The following ANKRD30BL variants were observed in gnomAD, a reference collection of about 807,000 sequenced individuals.
The protein encoded by ANKRD30BL is ankyrin repeat domain 30B like.
A neutral mutation model predicts 18.4 loss-of-function variants in ANKRD30BL; 20 were observed. The observed-to-expected ratio is 1.09, with a 90% CI of 0.77 to 1.58. The LOEUF is 1.58. Among genes scored for constraint, ANKRD30BL ranks in the 40% most tolerant of loss-of-function variants. The pLI is 0.00. For missense variants in ANKRD30BL, 224 were observed against 268.6 expected (o/e 0.83, Z 1.16); for synonymous variants, 72 against 100.9 (o/e 0.71, Z 1.72).
chr2:132,207,906 C>A (rs1420317094), intron 1 of ANKRD30BL, among the ~76,000 whole-genome samples: 1 of 152,136 alleles, frequency 6.6e-6, no homozygotes, highest in Non-Finnish European at 1.5e-5. Flanking sequence ...CTATAATGCT[C>A]AGATCACAAC....
chr2:132,151,660 T>A (rs1199922674), intron 4 of ANKRD30BL, among the ~76,000 whole-genome samples: 1 of 152,030 alleles, frequency 6.6e-6, no homozygotes, highest in Non-Finnish European at 1.5e-5. Context: ...GTTATAATAT[T>A]CAAATATTGC....
At chr2:132,202,055 C>A (rs1679109619) in intron 1 of ANKRD30BL, among the ~76,000 whole-genome samples, 4 of 152,066 alleles carry the variant, frequency 2.6e-5, no homozygotes, top group Middle Eastern at 3.2e-3. Flanking sequence ...AAAAACCAAA[C>A]ACCGCATATT....
At chr2:132,242,338 C>A (rs796746378) in intron 1 of ANKRD30BL, among the ~76,000 whole-genome samples, 2 of 151,336 alleles carry the variant, frequency 1.3e-5, no homozygotes, top group African/African-American at 2.4e-5. Flanking sequence ...ATTTGGATAG[C>A]TTTGAGGATA....
chr2:132,182,928 T>A (rs1688497242), intron 1 of ANKRD30BL, among the ~76,000 whole-genome samples: 1 of 152,082 alleles, frequency 6.6e-6, no homozygotes, highest in Admixed American at 6.6e-5. Context: ...ATAAACAACT[T>A]TTCTGTTTTA....
chr2:132,204,299 A>C (rs1367899957), intron 1 of ANKRD30BL, among the ~76,000 whole-genome samples: 1 of 151,660 alleles, frequency 6.6e-6, no homozygotes, highest in East Asian at 1.9e-4. Flanking sequence ...ATTGAGGAGA[A>C]TGTCTCTCAA....
chr2:132,205,884 G>C (rs1365213382), intron 1 of ANKRD30BL, among the ~76,000 whole-genome samples: 1 of 152,086 alleles, frequency 6.6e-6, no homozygotes, highest in Non-Finnish European at 1.5e-5. Flanking sequence ...AAAGAGGCTG[G>C]GCACAGTGGC....
rs61427674 is a variant in ANKRD30BL, at chr2:132,179,291, C to CT, written n.442-22146dup. On this transcript the variant is annotated intron_variant and non_coding_transcript_variant, in intron 1 of 4. Transcript: ENST00000470729. ...ATATTTACTACTCTATTCTTTTTATCTTTTTTTTTTTTTTGAGATGGAGTC... is the reference window on the plus strand; with the variant it reads ...ATATTTACTACTCTATTCTTTTTATCTTTTTTTTTTTTTTTGAGATGGAGTC... Among the ~76,000 whole-genome samples the CT allele has an allele frequency of 8.4e-3, 1,165 of 138,828 alleles. 4 individuals carry two copies. Among genetic ancestry groups the CT allele is most frequent in the Non-Finnish European group, 0.013 (827 of 64,684 alleles). The allele number at this position is 138,828 out of a possible 152,430, so 91.1% of individuals were successfully genotyped here.
chr2:132,248,357 G>A (rs113964074), intron 1 of ANKRD30BL, among the ~76,000 whole-genome samples: 9 of 150,876 alleles, frequency 6.0e-5, no homozygotes, highest in Non-Finnish European at 8.9e-5. Context: ...CTGCTCAATC[G>A]AAAGAAAGAT....
chr2:132,185,836 T>G (rs980408176), intron 1 of ANKRD30BL, among the ~76,000 whole-genome samples: 2 of 152,140 alleles, frequency 1.3e-5, no homozygotes, highest in African/African-American at 4.8e-5. Flanking sequence ...AACTAAATTA[T>G]CCTTTCAAAA....
chr2:132,167,015 T>C (rs1477965786), intron 1 of ANKRD30BL, among the ~76,000 whole-genome samples: 6 of 151,376 alleles, frequency 4.0e-5, no homozygotes, highest in Non-Finnish European at 8.9e-5. Context: ...ATATTTTAAT[T>C]ACTGTTTAGT....
At chr2:132,235,710 C>T (rs768062729) in intron 1 of ANKRD30BL, among the ~76,000 whole-genome samples, 5 of 152,112 alleles carry the variant, frequency 3.3e-5, no homozygotes, top group Admixed American at 6.6e-5. Context: ...AATGGAAGAA[C>T]ATTCCATGCT....
rs555081299 is a variant in ANKRD30BL at position 132,222,105 on chromosome 2, C to T, written n.441+35424G>A. Among the ~76,000 whole-genome samples the T allele has an allele frequency of 2.1e-3, 304 of 146,458 alleles. 10 individuals are homozygous for T. Among genetic ancestry groups the T allele is most frequent in the African/African-American group, 7.3e-3 (280 of 38,362 alleles). ...GAGGTCGGGGGGTCAGCCCCCCACC[C>T]GGCCAGCCGCCCTATCTGGGAGGTG... On this transcript the variant is annotated intron_variant and non_coding_transcript_variant, in intron 1 of 4. Coordinates refer to the ANKRD30BL transcript ENST00000470729.
At chr2:132,180,220 CTTT>C (rs34690292) in intron 1 of ANKRD30BL, among the ~76,000 whole-genome samples, 33 of 136,792 alleles carry the variant, frequency 2.4e-4, no homozygotes, top group Admixed American at 3.6e-4. Context: ...CAAGTGTACC[CTTT>C]TTTTTTTTTT....
At chr2:132,232,572 A>G (rs569159561) in intron 1 of ANKRD30BL, among the ~76,000 whole-genome samples, 1 of 152,292 alleles carries the variant, frequency 6.6e-6, no homozygotes, top group South Asian at 2.1e-4. Flanking sequence ...ATCAACTGGA[A>G]AAAAGGGTAT....
At chr2:132,205,461 C>T (rs1400379357) in intron 1 of ANKRD30BL, among the ~76,000 whole-genome samples, 2 of 151,406 alleles carry the variant, frequency 1.3e-5, no homozygotes, top group Non-Finnish European at 2.9e-5. Flanking sequence ...ATTAGCTGGG[C>T]ATGGTGGCAC....
chr2:132,216,879 A>G (rs1679519666), intron 1 of ANKRD30BL, among the ~76,000 whole-genome samples: 1 of 150,584 alleles, frequency 6.6e-6, no homozygotes, highest in African/African-American at 2.4e-5. Context: ...CTGCAACTGC[A>G]TATTTGGACT....
chr2:132,164,866 T>C (rs1164025565), upstream of ANKRD30BL, among the ~76,000 whole-genome samples: 1 of 151,934 alleles, frequency 6.6e-6, no homozygotes, highest in East Asian at 2.0e-4. Flanking sequence ...GGTCAGAAGA[T>C]GGGGACCATC....
intron 1 of ANKRD30BL, among the ~76,000 whole-genome samples, chr2:132,207,076 C>T (rs527577237): frequency 1.8e-4 from 28 of 152,208 alleles, no homozygotes; most frequent in Admixed American, 1.5e-3. Context: ...ACAGCATCTG[C>T]AAATAATTTG....
chr2:132,194,837 G>A (rs892827247), intron 1 of ANKRD30BL, among the ~76,000 whole-genome samples: 3 of 152,220 alleles, frequency 2.0e-5, no homozygotes, highest in Non-Finnish European at 4.4e-5. Flanking sequence ...CAGTAGGGAG[G>A]AGAGAATTCT....
Sources: allele counts gnomAD v4.1 joint callset (sites outside exome capture counted in the v4.1 genomes callset), GRCh38; gene constraint gnomAD v4.1.1; transcripts MANE v1.5; gene names NCBI Gene and HGNC (gene_info 2026-07-23, HGNC 2026-07-21).